The following MACROD2 variants were observed in gnomAD, a reference collection of about 807,000 sequenced individuals.
MACROD2 encodes the protein ADP-ribose glycohydrolase MACROD2.
Under a neutral mutation model 70.4 loss-of-function variants are expected in MACROD2, and 36 were observed. That is an observed-to-expected ratio of 0.51 (90% confidence interval 0.39 to 0.68). The LOEUF (loss-of-function observed/expected upper bound fraction) is 0.68, where lower values mean the gene tolerates loss of function less well. MACROD2 is among the 30% of genes least tolerant of loss of function. MACROD2 has a pLI of 0.00. For missense variants in MACROD2, 496 were observed against 538.4 expected, an observed-to-expected ratio of 0.92 and a Z score of 0.78; for synonymous variants, 172 against 178.8, an observed-to-expected ratio of 0.96 and a Z score of 0.30.
intron 3 of MACROD2, among the ~76,000 whole-genome samples, chr20:14,367,015 T>G (rs1270874491): frequency 6.6e-6 from 1 of 152,210 alleles, no homozygotes; most frequent in Admixed American, 6.5e-5. Context: ...TTTAACTTTT[T>G]GAAGTGTGCT....
At chr20:15,705,257 T>A (rs1338219803) in intron 8 of MACROD2, among the ~76,000 whole-genome samples, 1 of 152,144 alleles carries the variant, frequency 6.6e-6, no homozygotes, top group Non-Finnish European at 1.5e-5. Flanking sequence ...CCAGGTAACA[T>A]GTCAGACCAA....
intron 8 of MACROD2, among the ~76,000 whole-genome samples, chr20:15,721,061 C>A (rs1233643110): frequency 1.3e-5 from 2 of 152,166 alleles, no homozygotes; most frequent in Non-Finnish European, 2.9e-5. Context: ...AATCCATCTT[C>A]ATGAAAACTT....
At chr20:16,028,005 G>T (rs1699827793) in intron 15 of MACROD2, among the ~76,000 whole-genome samples, 1 of 152,200 alleles carries the variant, frequency 6.6e-6, no homozygotes, top group South Asian at 2.1e-4. Flanking sequence ...AAAAGGGAAA[G>T]AAAAAGCCAG....
intron 4 of MACROD2, among the ~76,000 whole-genome samples, chr20:14,657,405 A>G (rs1303186239): frequency 2.0e-5 from 3 of 152,154 alleles, no homozygotes; most frequent in African/African-American, 7.2e-5. Flanking sequence ...CTGGAAATAA[A>G]CCAGTAGTTT....
intron 4 of MACROD2, among the ~76,000 whole-genome samples, chr20:14,544,898 A>G (rs2085474519): frequency 6.6e-6 from 1 of 152,154 alleles, no homozygotes; most frequent in Non-Finnish European, 1.5e-5. Context: ...TTCCACTTGC[A>G]TAGGCAGAGT....
intron 8 of MACROD2, among the ~76,000 whole-genome samples, chr20:15,559,877 A>G (rs775329634): frequency 2.0e-5 from 3 of 152,194 alleles, no homozygotes; most frequent in Non-Finnish European, 4.4e-5. Flanking sequence ...TTCAAGCTAC[A>G]TTTTGCAATC....
At chr20:14,328,673 T>C (rs1365502792) in intron 3 of MACROD2, among the ~76,000 whole-genome samples, 1 of 152,058 alleles carries the variant, frequency 6.6e-6, no homozygotes, top group African/African-American at 2.4e-5. Flanking sequence ...TAAACTTTTG[T>C]TTAGTCCTTG....
chr20:14,597,020 C>G (rs1011565077), intron 4 of MACROD2, among the ~76,000 whole-genome samples: 17 of 152,144 alleles, frequency 1.1e-4, no homozygotes, highest in African/African-American at 3.6e-4. Context: ...GAAGTGTCAT[C>G]TTTTCAAAAT....
At chr20:15,940,864 A>C (rs763139407) in intron 12 of MACROD2, among the ~76,000 whole-genome samples, 9 of 152,212 alleles carry the variant, frequency 5.9e-5, no homozygotes, top group Non-Finnish European at 1.0e-4. Context: ...CTTAAGCAAA[A>C]ATTTTGGACA....
chr20:15,919,017 T>A (rs1384027705), intron 10 of MACROD2, among the ~76,000 whole-genome samples: 1 of 152,232 alleles, frequency 6.6e-6, no homozygotes, highest in Non-Finnish European at 1.5e-5. Context: ...TCATTTTCAA[T>A]GAGTGCAGTC....
chr20:14,475,876 A>AG (rs2084587821), intron 3 of MACROD2, among the ~76,000 whole-genome samples: 2 of 151,880 alleles, frequency 1.3e-5, no homozygotes, highest in Non-Finnish European at 2.9e-5. Context: ...GACCTTTCAG[A>AG]GTCTTGGGGT....
chr20:15,909,021 G>T (rs1326232860), intron 10 of MACROD2, among the ~76,000 whole-genome samples: 2 of 152,188 alleles, frequency 1.3e-5, no homozygotes, highest in Non-Finnish European at 2.9e-5. Context: ...AGCTTGGCAG[G>T]GCTCGACAGG....
At chr20:15,253,503 A>G (rs566188045) in intron 6 of MACROD2, among the ~76,000 whole-genome samples, 1 of 152,334 alleles carries the variant, frequency 6.6e-6, no homozygotes, top group South Asian at 2.1e-4. Context: ...TGATTAAATT[A>G]TGGTAAGCTT....
intron 3 of MACROD2, among the ~76,000 whole-genome samples, chr20:14,236,219 T>G (rs1274527079): frequency 6.6e-6 from 1 of 152,130 alleles, no homozygotes; most frequent in Non-Finnish European, 1.5e-5. Flanking sequence ...AGATGCAAAA[T>G]TGTACTAGTC....
At chr20:14,084,847 G>A (rs1180167205) in intron 2 of MACROD2, among the ~76,000 whole-genome samples, 2 of 151,770 alleles carry the variant, frequency 1.3e-5, no homozygotes, top group African/African-American at 4.8e-5. Flanking sequence ...AGCTGGCCAG[G>A]CATGGTGGCT....
chr20:15,961,899 A>G (rs1284648726), intron 12 of MACROD2, among the ~76,000 whole-genome samples: 1 of 152,224 alleles, frequency 6.6e-6, no homozygotes, highest in African/African-American at 2.4e-5. Context: ...TGAGAAAGAA[A>G]TCAGAAGGAT....
At chr20:14,548,882 A>C (rs1028921314) in intron 4 of MACROD2, among the ~76,000 whole-genome samples, 4 of 152,156 alleles carry the variant, frequency 2.6e-5, no homozygotes, top group Non-Finnish European at 4.4e-5. Context: ...CAAGCAAATT[A>C]ACCTGGAGCA....
chr20:15,380,702 T>G (rs1311886040), intron 6 of MACROD2, among the ~76,000 whole-genome samples: 2 of 152,300 alleles, frequency 1.3e-5, no homozygotes, highest in Admixed American at 6.5e-5. Flanking sequence ...ATGATGGAAC[T>G]GTTTACACCA....
intron 5 of MACROD2, among the ~76,000 whole-genome samples, chr20:15,183,950 T>C (rs2076517807): frequency 6.6e-6 from 1 of 152,126 alleles, no homozygotes; most frequent in Non-Finnish European, 1.5e-5. Context: ...AACTCAACTA[T>C]CTGCTGGAAC....
Sources: gnomAD v4.1 joint callset for allele counts (sites outside exome capture counted in the v4.1 genomes callset) on GRCh38, gnomAD v4.1.1 for gene constraint, MANE v1.5 for transcripts, NCBI Gene and HGNC (gene_info 2026-07-23, HGNC 2026-07-21) for gene names.